The following ANKRD44 variants were observed in gnomAD, a reference collection of about 807,000 sequenced individuals.
The protein encoded by ANKRD44 is serine/threonine-protein phosphatase 6 regulatory ankyrin repeat subunit B.
In ANKRD44, 35 loss-of-function variants were observed where a neutral mutation model predicts 116.0. The ratio of observed to expected loss-of-function variants is 0.30; its 90% CI spans 0.23 to 0.40. ANKRD44 has a LOEUF of 0.40. Ranked by LOEUF, ANKRD44 falls within the 10% of genes least tolerant of loss-of-function variation. The pLI, the probability that ANKRD44 is intolerant of heterozygous loss-of-function variation, is 1.00. For synonymous variants in ANKRD44, 435 were observed against 461.8 expected, an observed-to-expected ratio of 0.94 and a Z score of 0.74; for missense variants, 1,014 against 1,242.6, an observed-to-expected ratio of 0.82 and a Z score of 2.77.
At chr2:197,137,814 A>G (rs2079257376) in intron 3 of ANKRD44, among the ~76,000 whole-genome samples, 2 of 152,200 alleles carry the variant, frequency 1.3e-5, no homozygotes, top group African/African-American at 4.8e-5. Flanking sequence ...TGCTTAATTT[A>G]TCCAGGTTAA....
chr2:197,043,641 C>T (rs1037497350), intron 16 of ANKRD44, among the ~76,000 whole-genome samples: 2 of 151,994 alleles, frequency 1.3e-5, no homozygotes, highest in Non-Finnish European at 2.9e-5. Context: ...AGATGAAAGG[C>T]AGGTGAAAAA....
chr2:197,126,586 C>A (rs1480416523), intron 4 of ANKRD44, among the ~76,000 whole-genome samples: 1 of 152,086 alleles, frequency 6.6e-6, no homozygotes, highest in African/African-American at 2.4e-5. Context: ...AGTTCCTTCA[C>A]CTTCATTGGG....
At chr2:197,133,051 G>A (rs1291177139) in intron 4 of ANKRD44, among the ~76,000 whole-genome samples, 1 of 152,198 alleles carries the variant, frequency 6.6e-6, no homozygotes, top group Non-Finnish European at 1.5e-5. Context: ...AGGCATAAGT[G>A]AAACTACAGC....
intron 16 of ANKRD44, among the ~76,000 whole-genome samples, chr2:197,050,744 T>C (rs2125009337): frequency 6.6e-6 from 1 of 152,224 alleles, no homozygotes; most frequent in Non-Finnish European, 1.5e-5. Flanking sequence ...ATATCTTTTA[T>C]TGCAATCAAA....
chr2:197,137,705 C>T (rs966368200), intron 3 of ANKRD44, among the ~76,000 whole-genome samples: 3 of 152,192 alleles, frequency 2.0e-5, no homozygotes, highest in African/African-American at 7.2e-5. Context: ...TGGAATGCCT[C>T]CCATCCAACC....
At chr2:197,233,556 T>C (rs1471468114) in intron 1 of ANKRD44, among the ~76,000 whole-genome samples, 1 of 152,202 alleles carries the variant, frequency 6.6e-6, no homozygotes, top group Non-Finnish European at 1.5e-5. Flanking sequence ...TAAGAGACTG[T>C]GGTCTCACTA....
chr2:197,031,180 T>C (rs930426618), intron 16 of ANKRD44, among the ~76,000 whole-genome samples: 1 of 151,830 alleles, frequency 6.6e-6, no homozygotes, highest in African/African-American at 2.4e-5. Flanking sequence ...TTTTTTTTTA[T>C]AAAGCAGTAT....
At position 196,988,054 on chromosome 2, in the gene ANKRD44, T is replaced by C. The variant is rs2075858631; in HGVS notation, c.*1537A>G. On this transcript the variant is annotated 3_prime_UTR_variant, in exon 28 of 28. Coordinates refer to ENST00000282272, the MANE Select transcript of ANKRD44 (RefSeq NM_001195144.2). ...ATGATTTCATTTCGTTCCTTTGTCC[T>C]CCTTCTATGAGTAAGAGAGTGGGAA... The C allele has an allele frequency of 3.0e-6, 3 of 985,418 alleles. No homozygotes were observed. The highest frequency in any genetic ancestry group is 3.6e-6 in the Non-Finnish European group (3 of 829,920). 61.0% of individuals were successfully genotyped at this position (985,418 alleles called of 1,614,324 possible). A position where few individuals can be genotyped will look rare whatever the true frequency, so the allele number is the denominator to read the frequency against.
chr2:197,266,057 G>A (rs2082733134), intron 1 of ANKRD44, among the ~76,000 whole-genome samples: 1 of 151,994 alleles, frequency 6.6e-6, no homozygotes, highest in Non-Finnish European at 1.5e-5. Flanking sequence ...CTGAATACCA[G>A]GTAAAAGGAA....
chr2:196,987,945 T>G lies in ANKRD44; in HGVS notation c.*1646A>C. 1 of 985,072 alleles carries G rather than the reference T, an allele frequency of 1.0e-6. No individual in the cohort carries two copies. 61.0% of individuals were successfully genotyped at this position (985,072 alleles called of 1,614,324 possible). On this transcript the variant is annotated 3_prime_UTR_variant, in exon 28 of 28. Transcript: ENST00000282272. ...TTAAAGTCATTTCTTTAAAAAAATT[T>G]TGCCTTGGGGTATGGGAGAAAGAGA...
rs2075885159 is a variant in ANKRD44, at chr2:196,989,661, G to T, written c.2924-12C>A. ...ATTTGACCTAGAAGCTTTGGCAGAG[G>T]GAGCAGACACAGTATTCACTATGTT... On this transcript the variant is annotated splice_polypyrimidine_tract_variant and intron_variant, in intron 27 of 27. Coordinates refer to ENST00000282272, the MANE Select transcript of ANKRD44 (RefSeq NM_001195144.2). 1 of 1,549,958 alleles carries T rather than the reference G, an allele frequency of 6.5e-7. No homozygotes were observed. Among genetic ancestry groups the T allele is most frequent in the African/African-American group, 1.4e-5 (1 of 73,008 alleles).
intron 1 of ANKRD44, among the ~76,000 whole-genome samples, chr2:197,310,366 G>A (rs1325977159): frequency 6.8e-6 from 1 of 147,056 alleles, no homozygotes; most frequent in Non-Finnish European, 1.5e-5. Context: ...CCAGACTCGG[G>A]CGCGCAGTTC....
chr2:197,189,122 C>T (rs2080760109), intron 1 of ANKRD44, among the ~76,000 whole-genome samples: 1 of 152,054 alleles, frequency 6.6e-6, no homozygotes, highest in African/African-American at 2.4e-5. Context: ...CTGTTTATTG[C>T]TAGTTTGGGG....
intron 2 of ANKRD44, among the ~76,000 whole-genome samples, chr2:197,153,550 A>G (rs2079719344): frequency 6.6e-6 from 1 of 152,238 alleles, no homozygotes; most frequent in South Asian, 2.1e-4. Context: ...TGGGGAATTA[A>G]AAGAAGGTTA....
chr2:197,037,242 T>C (rs990320874), intron 16 of ANKRD44, among the ~76,000 whole-genome samples: 2 of 152,234 alleles, frequency 1.3e-5, no homozygotes, highest in Non-Finnish European at 1.5e-5. Context: ...GAGAATAAGA[T>C]AAATTTCTAT....
chr2:197,274,016 T>C (rs1489867239), intron 1 of ANKRD44, among the ~76,000 whole-genome samples: 1 of 91,332 alleles, frequency 1.1e-5, no homozygotes, highest in Non-Finnish European at 2.1e-5. Flanking sequence ...TATATATATA[T>C]ATATATATAT....
At chr2:197,264,017 G>C (rs117341830) in intron 1 of ANKRD44, among the ~76,000 whole-genome samples, 6,109 of 152,306 alleles carry the variant, frequency 0.04, 207 homozygotes, top group Admixed American at 0.11. Flanking sequence ...CTACACCTGA[G>C]GCTGAGGCAG....
At chr2:197,300,651 T>G (rs2083875646) in intron 1 of ANKRD44, among the ~76,000 whole-genome samples, 1 of 152,064 alleles carries the variant, frequency 6.6e-6, no homozygotes, top group African/African-American at 2.4e-5. Flanking sequence ...AGAATCCTAA[T>G]GTGTGATGGC....
At chr2:197,196,199 TGA>T (rs2080944459) in intron 1 of ANKRD44, among the ~76,000 whole-genome samples, 1 of 152,216 alleles carries the variant, frequency 6.6e-6, no homozygotes, top group Non-Finnish European at 1.5e-5. Flanking sequence ...GTTGCAAACA[TGA>T]GAGGTGGATT....
Sources: gnomAD v4.1 joint callset for allele counts (sites outside exome capture counted in the v4.1 genomes callset) on GRCh38, gnomAD v4.1.1 for gene constraint, MANE v1.5 for transcripts, NCBI Gene and HGNC (gene_info 2026-07-23, HGNC 2026-07-21) for gene names.